Variants in PCNX2 observed in about 807,000 individuals in gnomAD.
PCNX2 encodes pecanex-like protein 2.
In PCNX2, 168 loss-of-function variants were observed where a neutral mutation model predicts 223.8. That is an observed-to-expected ratio of 0.75 (90% CI 0.66 to 0.85). PCNX2 has a LOEUF of 0.85. Ranked by LOEUF, PCNX2 falls within the 40% of genes least tolerant of loss-of-function variation. The probability of loss-of-function intolerance (pLI) is 0.00; values close to 1 mark genes in which losing one functional copy is unlikely to be tolerated. For missense variants in PCNX2, 2,507 were observed against 2,675.5 expected (o/e 0.94, Z 1.39); for synonymous variants, 1,006 against 1,052.6 (o/e 0.96, Z 0.86).
At chr1:233,200,648 C>T (rs1055628142) in intron 13 of PCNX2, among the ~76,000 whole-genome samples, 10 of 151,718 alleles carry the variant, frequency 6.6e-5, no homozygotes, top group Non-Finnish European at 1.3e-4. Flanking sequence ...GAATCATCTT[C>T]AGTTTGAAAG....
At chr1:233,207,164 C>A (rs577898125) in intron 13 of PCNX2, among the ~76,000 whole-genome samples, 1 of 152,158 alleles carries the variant, frequency 6.6e-6, no homozygotes, top group South Asian at 2.1e-4. Flanking sequence ...ATCAAAGCAG[C>A]AGGAAGAGGA....
chr1:233,031,626 G>A (rs1039893120), intron 25 of PCNX2, among the ~76,000 whole-genome samples: 1 of 152,066 alleles, frequency 6.6e-6, no homozygotes, highest in African/African-American at 2.4e-5. Context: ...AGAGCTATTA[G>A]GATAACAGTC....
At chr1:233,304,793 T>C in the PCNX2 span, among the ~76,000 whole-genome samples, 1 of 152,206 alleles carries the variant, frequency 6.6e-6, no homozygotes. Flanking sequence ...TGCAGAAAGC[T>C]TGTTCCCCCA....
intron 15 of PCNX2, among the ~76,000 whole-genome samples, chr1:233,189,672 A>G (rs1680307839): frequency 6.6e-6 from 1 of 152,190 alleles, no homozygotes; most frequent in Non-Finnish European, 1.5e-5. Context: ...GGGACCCAGA[A>G]GAAATACAGG....
chr1:233,096,035 T>C (rs1399250740), intron 21 of PCNX2, among the ~76,000 whole-genome samples, 172 bp from the exon 22 acceptor site: 11 of 152,240 alleles, frequency 7.2e-5, no homozygotes, highest in Admixed American at 7.2e-4. Flanking sequence ...TTTAATGATA[T>C]TTTGAAACAG....
intron 28 of PCNX2, among the ~76,000 whole-genome samples, chr1:233,009,524 C>T (rs1410976569): frequency 6.6e-6 from 1 of 152,226 alleles, no homozygotes; most frequent in Admixed American, 6.5e-5. Flanking sequence ...AGTTTGACCT[C>T]ATGATGTTTT....
At chr1:233,256,893 C>G (rs1659765457) in intron 5 of PCNX2, among the ~76,000 whole-genome samples, 1 of 152,182 alleles carries the variant, frequency 6.6e-6, no homozygotes, top group African/African-American at 2.4e-5. Context: ...GTCCAGAAAG[C>G]AGAGGAAAAA....
At chr1:233,030,810 G>T (rs1344849930) in intron 25 of PCNX2, among the ~76,000 whole-genome samples, 3 of 152,168 alleles carry the variant, frequency 2.0e-5, no homozygotes, top group Non-Finnish European at 4.4e-5. Context: ...TGTCATTCCA[G>T]TTACCATTCT....
chr1:232,990,593 G>T lies in PCNX2; in HGVS notation c.5792-4053C>A, dbSNP rs551476908. On this transcript the variant is annotated intron_variant, in intron 32 of 33. Coordinates refer to ENST00000258229, the MANE Select transcript of PCNX2 (RefSeq NM_014801.4). The surrounding 1 kb of genome is among the most constrained non-coding windows in gnomAD (Gnocchi z 4.3). ...GTAGTGTAAGTGGCTGAGGCCAGGA[G>T]GGGTAACCATCCACTCATTCGTCCA... 7.9e-4 allele frequency among the ~76,000 whole-genome samples: 121 copies of T among 152,298 alleles called. No individual in the cohort carries two copies. Among genetic ancestry groups the T allele is most frequent in the Non-Finnish European group, 1.2e-3 (84 of 68,020 alleles).
rs1298233517 is a variant in PCNX2 at position 232,990,461 on chromosome 1, A to C, written c.5792-3921T>G. On this transcript the variant is annotated intron_variant, in intron 32 of 33. Transcript: ENST00000258229. The surrounding 1 kb of genome is among the most constrained non-coding windows in gnomAD (Gnocchi z 4.3). Reference sequence around the variant, plus strand: ...ATGATGGTACATTTCAGGAGAGCCAACAAGATCGGCAGCTCTTGGCTCCAC... The same window carrying C: ...ATGATGGTACATTTCAGGAGAGCCACCAAGATCGGCAGCTCTTGGCTCCAC... Among the ~76,000 whole-genome samples, 1 of 152,204 alleles carries C rather than the reference A, an allele frequency of 6.6e-6. No individual in the cohort carries two copies. The highest frequency in any genetic ancestry group is 2.1e-4 in the South Asian group (1 of 4,834).
chr1:233,025,344 G>C lies in PCNX2; in HGVS notation c.4407C>G (p.Asp1469Glu), dbSNP rs535021819. Residue 1469 changes from aspartate (D) to glutamate (E), a missense_variant, in exon 26 of 34, where the codon GAC (aspartate) becomes GAG (glutamate). By Grantham distance (45) the Asp-to-Glu change is conservative. Around this residue, in one of 3 missense-constraint regions of PCNX2, gnomAD observed 1,372 missense variants for 1,509.4 expected, o/e 0.91. Transcript: ENST00000258229. Reference sequence around the variant, plus strand: ...CTGGTTTGCAGCAGCAGCAGCCTCTGTCCTCCTCGTCGCCCTCCATGATGG... The same window carrying C: ...CTGGTTTGCAGCAGCAGCAGCCTCTCTCCTCCTCGTCGCCCTCCATGATGG... Reference protein sequence around the residue: ...VEAIMEGDEEDRGCCCCKPGH... With the variant: ...VEAIMEGDEEERGCCCCKPGH... 1.1e-4 allele frequency: 178 copies of C among 1,614,036 alleles called. 3 individuals are homozygous for C. In the South Asian group the frequency reaches 1.9e-3, roughly 17 times the overall value.
intron 20 of PCNX2, among the ~76,000 whole-genome samples, chr1:233,135,675 G>A (rs1356189357): frequency 3.9e-5 from 6 of 152,148 alleles, no homozygotes; most frequent in Admixed American, 2.6e-4. Context: ...AATCCAATTC[G>A]AACAGTGACA....
chr1:233,212,232 C>A (rs1021113236), intron 12 of PCNX2, among the ~76,000 whole-genome samples: 1 of 152,064 alleles, frequency 6.6e-6, no homozygotes, highest in African/African-American at 2.4e-5. Context: ...TGTGACCCTA[C>A]ACAGCAAATA....
intron 22 of PCNX2, among the ~76,000 whole-genome samples, chr1:233,091,884 G>T (rs1392540726): frequency 6.6e-6 from 1 of 150,850 alleles, no homozygotes; most frequent in African/African-American, 2.4e-5. Flanking sequence ...GTATCAAAAA[G>T]ATCTCTATTG....
intron 12 of PCNX2, among the ~76,000 whole-genome samples, chr1:233,217,009 A>G (rs959117313): frequency 1.3e-5 from 2 of 152,212 alleles, no homozygotes; most frequent in African/African-American, 2.4e-5. Flanking sequence ...GAATCTAAAA[A>G]AGTTGAACCC....
At chr1:233,192,031 T>C (rs113666807) in intron 15 of PCNX2, among the ~76,000 whole-genome samples, 1 of 152,224 alleles carries the variant, frequency 6.6e-6, no homozygotes, top group African/African-American at 2.4e-5. Context: ...TCTGAACTAG[T>C]AGTGTATTAC....
intron 26 of PCNX2, chr1:233,019,355 C>G (rs2102824052): frequency 3.5e-6 from 1 of 285,430 alleles, no homozygotes; most frequent in East Asian, 1.8e-4. Context: ...GTTCTCCCAT[C>G]CTCTGTAACA....
intron 15 of PCNX2, among the ~76,000 whole-genome samples, chr1:233,179,559 A>C (rs1464338217): frequency 6.6e-6 from 1 of 152,222 alleles, no homozygotes; most frequent in East Asian, 1.9e-4. Flanking sequence ...AAATGGCATA[A>C]AAAATGTAAA....
rs1330406181 is a variant in PCNX2, at chr1:233,258,755, A to T, written c.1107T>A (p.Ser369Arg). The T allele has an allele frequency of 1.1e-5, 18 of 1,613,628 alleles. 1 individual carries two copies. The Admixed American group carries it at 3.0e-4, about 27-fold the overall frequency. ...IDTSQPGDPLSLHEPIKIVIT... is the reference protein window; with the variant it reads ...IDTSQPGDPLRLHEPIKIVIT... Reference sequence around the variant, plus strand: ...TAACAATTTTTATGGGCTCATGTAGACTCAGTGGGTCTCCGGGTTGAGAAG... The same window carrying T: ...TAACAATTTTTATGGGCTCATGTAGTCTCAGTGGGTCTCCGGGTTGAGAAG... Residue 369 changes from serine to arginine, a missense_variant, in exon 5 of 34, where the codon AGT becomes AGA. This residue lies in a region of PCNX2 where 1,031 missense variants were observed against 1,021.7 expected (regional missense o/e 1.01). Coordinates refer to ENST00000258229, the MANE Select transcript of PCNX2 (RefSeq NM_014801.4).
Sources: allele counts gnomAD v4.1 joint callset (sites outside exome capture counted in the v4.1 genomes callset), GRCh38; gene constraint gnomAD v4.1.1; regional missense constraint gnomAD v4.1.1; non-coding constraint Gnocchi (gnomAD v3.1); transcripts MANE v1.5; gene names NCBI Gene and HGNC (gene_info 2026-07-23, HGNC 2026-07-21).